The following COX7A2L variants were observed in gnomAD, a reference collection of about 807,000 sequenced individuals.
The protein encoded by COX7A2L is cytochrome c oxidase subunit 7A2 like.
In COX7A2L, 18 loss-of-function variants were observed where a neutral mutation model predicts 14.2. That is an observed-to-expected ratio of 1.27 (90% CI 0.88 to 1.88). The LOEUF is 1.88. Among genes scored for constraint, COX7A2L ranks in the 40% most tolerant of loss-of-function variants. COX7A2L has a pLI of 0.00. For missense variants in COX7A2L, 179 were observed against 138.8 expected (o/e 1.29, Z -1.46); for synonymous variants, 65 against 57.4 (o/e 1.13, Z -0.60).
Position 42,350,962 on chromosome 2 carries a change from C to T in COX7A2L, c.*257G>A, listed in dbSNP as rs1180064915. 9.1e-6 allele frequency: 3 copies of T among 331,266 alleles called. No homozygotes were observed. Among genetic ancestry groups the T allele is most frequent in the Non-Finnish European group, 1.7e-5 (3 of 181,656 alleles). 20.5% of individuals were successfully genotyped at this position (331,266 alleles called of 1,614,324 possible). ...TAACAAGCCTGTGTTCAGCCTTCAT[C>T]CAGAACCTCCAGGGAAATCAGGAGC... On this transcript the variant is annotated 3_prime_UTR_variant, in exon 3 of 3. Transcript: ENST00000234301.
Position 42,361,127 on chromosome 2 carries a change from A to T in COX7A2L, c.35T>A (p.Leu12Ter). Reference sequence around the variant, plus strand: ...GGCCTCCGAAGCCCATGCTCCTGCCAACTTCTGCGTGAAGCCACTAAACTT... The same window carrying T: ...GGCCTCCGAAGCCCATGCTCCTGCCTACTTCTGCGTGAAGCCACTAAACTT... ...YYKFSGFTQK[L>*]AGAWASEAYS... is the part of the protein sequence containing the mutation. The change falls in exon 1 of 3, where the codon TTG (leucine) becomes TAG (stop). Residue 12 changes from leucine to a stop codon, truncating the protein, a stop_gained. Transcript: ENST00000234301. LOFTEE classifies it high-confidence loss of function. The T allele has an allele frequency of 6.2e-7, 1 of 1,613,782 alleles. No homozygotes were observed. Among genetic ancestry groups the T allele is most frequent in the Non-Finnish European group, 8.5e-7 (1 of 1,179,886 alleles).
In COX7A2L at chr2:42,338,394, C is replaced by T. The variant is rs1670329795; in HGVS notation, c.193-4525G>A. The stretch of plus-strand genomic sequence containing the variant: ...AATTTCACTCTCTAGCAGAGCCCTC[C>T]CAAGACTGCCGCAGAACTGAGATGA... On this transcript the variant is annotated intron_variant, in intron 2 of 2. Transcript: ENST00000468711. This position sits in a 1 kb window ranked among gnomAD's most constrained non-coding sequence, Gnocchi z 4.4. Among the ~76,000 whole-genome samples, 5 of 152,166 alleles carry T rather than the reference C, an allele frequency of 3.3e-5. No homozygotes were observed. Among genetic ancestry groups the T allele is most frequent in the Admixed American group, 2.0e-4 (3 of 15,284 alleles).
intron 2 of COX7A2L, among the ~76,000 whole-genome samples, chr2:42,352,094 G>A (rs1049303673): frequency 6.6e-6 from 1 of 152,176 alleles, no homozygotes; most frequent in African/African-American, 2.4e-5. Context: ...AAGTCCATTT[G>A]GCATTCAACT....
At chr2:42,356,035 T>A (rs2103900187) in intron 1 of COX7A2L, among the ~76,000 whole-genome samples, 1 of 152,234 alleles carries the variant, frequency 6.6e-6, no homozygotes, top group East Asian at 1.9e-4. Context: ...CCATTCTGTT[T>A]TTTTTCCTTT....
At chr2:42,347,267 G>A (rs1670517129), downstream of COX7A2L, among the ~76,000 whole-genome samples, 1 of 150,194 alleles carries the variant, frequency 6.7e-6, no homozygotes, top group African/African-American at 2.4e-5. Flanking sequence ...AAAAGAAACA[G>A]GCACTCTCAA....
intron 1 of COX7A2L, among the ~76,000 whole-genome samples, chr2:42,358,719 A>C (rs969201833): frequency 6.6e-6 from 1 of 152,186 alleles, no homozygotes; most frequent in African/African-American, 2.4e-5. Context: ...TCTATATCAA[A>C]CTCATCGCAA....
At chr2:42,343,165 A>C (rs1337009502) in intron 2 of COX7A2L, among the ~76,000 whole-genome samples, 1 of 152,142 alleles carries the variant, frequency 6.6e-6, no homozygotes, top group African/African-American at 2.4e-5. Context: ...CAGCAGCCAC[A>C]GCCAGATTTC....
chr2:42,355,096 TC>T (rs1179149481), intron 1 of COX7A2L, among the ~76,000 whole-genome samples: 1 of 152,094 alleles, frequency 6.6e-6, no homozygotes, highest in Non-Finnish European at 1.5e-5. Flanking sequence ...CACCCCACCC[TC>T]CCAATCAACT....
In COX7A2L at chr2:42,351,301, C is replaced by G; in HGVS notation, c.263G>C (p.Arg88Pro). The G allele has an allele frequency of 6.2e-7, 1 of 1,614,058 alleles. No homozygotes were observed. The highest frequency in any genetic ancestry group is 1.1e-5 in the South Asian group (1 of 91,072). The stretch of plus-strand genomic sequence containing the variant: ...TCCCACAGTCAGCGCCATGGTGGTC[C>G]GGTAAAGCATTTGGTCAGGCAGGCC... The part of the protein sequence containing the change: ...KRGLPDQMLY[R>P]TTMALTVGGT... The change falls in exon 3 of 3, where the codon CGG (arginine) becomes CCG (proline). Residue 88 changes from arginine to proline, a missense_variant. By Grantham distance (103) the Arg-to-Pro change is moderately radical. Coordinates refer to ENST00000234301, the MANE Select transcript of COX7A2L (RefSeq NM_004718.4).
At chr2:42,364,606 TGTGGCAGA>T (rs1671123497), upstream of COX7A2L, among the ~76,000 whole-genome samples, 1 of 152,218 alleles carries the variant, frequency 6.6e-6, no homozygotes, top group African/African-American at 2.4e-5. Context: ...GTAATTTTCA[TGTGGCAGA>T]AATCTCAGCT....
chr2:42,353,089 G>A (rs1353078438), intron 2 of COX7A2L, 123 bp downstream of exon 2: 21 of 1,191,722 alleles, frequency 1.8e-5, no homozygotes, highest in Non-Finnish European at 2.2e-5. Flanking sequence ...AAAATCAAGA[G>A]AATACTACTT....
chr2:42,354,382 G>A (rs192355374), intron 1 of COX7A2L, among the ~76,000 whole-genome samples: 58 of 152,070 alleles, frequency 3.8e-4, no homozygotes, highest in South Asian at 2.9e-3. Context: ...GGAGCTAAGA[G>A]TTATAAGCCA....
At chr2:42,356,215 C>T (rs1265227640) in intron 1 of COX7A2L, among the ~76,000 whole-genome samples, 3 of 152,140 alleles carry the variant, frequency 2.0e-5, no homozygotes, top group Non-Finnish European at 2.9e-5. Flanking sequence ...TTTACCCAAC[C>T]CCATAAGTCA....
chr2:42,358,892 G>A (rs1052419993), intron 1 of COX7A2L, among the ~76,000 whole-genome samples: 2 of 152,020 alleles, frequency 1.3e-5, no homozygotes, highest in Non-Finnish European at 2.9e-5. Context: ...GCCACTCAGG[G>A]GGCTGAGGTG....
chr2:42,360,461 G>A (rs1440870330), intron 1 of COX7A2L, among the ~76,000 whole-genome samples: 1 of 152,132 alleles, frequency 6.6e-6, no homozygotes, highest in African/African-American at 2.4e-5. Flanking sequence ...AACTCCAATT[G>A]GTAGAATCTG....
At chr2:42,364,871 C>T (rs1436730436), upstream of COX7A2L, among the ~76,000 whole-genome samples, 1 of 152,114 alleles carries the variant, frequency 6.6e-6, no homozygotes, top group East Asian at 1.9e-4. Context: ...ACATCAACTC[C>T]CTACTCTGAC....
At chr2:42,359,264 T>C (rs1670937917) in intron 1 of COX7A2L, 1 of 152,170 alleles carries the variant, frequency 6.6e-6, no homozygotes, top group Non-Finnish European at 1.5e-5. Context: ...GCTGGTTCCA[T>C]TTACATGAAG....
chr2:42,365,092 A>G (rs1182469660), upstream of COX7A2L, among the ~76,000 whole-genome samples: 4 of 152,212 alleles, frequency 2.6e-5, no homozygotes, highest in Non-Finnish European at 5.9e-5. Context: ...TTATGCATAG[A>G]AAAAAGTTGA....
upstream of COX7A2L, chr2:42,361,551 A>G (rs1256700424): frequency 6.1e-6 from 1 of 163,790 alleles, no homozygotes; most frequent in South Asian, 1.3e-4. Context: ...ATGCTTTAGG[A>G]GGGGCGGGCT....
Sources: gnomAD v4.1 joint callset for allele counts (sites outside exome capture counted in the v4.1 genomes callset) on GRCh38, gnomAD v4.1.1 for gene constraint, Gnocchi (gnomAD v3.1) non-coding constraint, MANE v1.5 for transcripts, NCBI Gene and HGNC (gene_info 2026-07-23, HGNC 2026-07-21) for gene names.